Variants in PTPRE observed in about 807,000 individuals in gnomAD.
PTPRE encodes the protein receptor-type tyrosine-protein phosphatase epsilon.
PTPRE carries 51 observed loss-of-function variants against 102.0 expected under a neutral mutation model. The observed-to-expected ratio is 0.50, with a 90% CI of 0.40 to 0.63. PTPRE has a LOEUF of 0.63. Among genes scored for constraint, PTPRE ranks in the 30% least tolerant of loss-of-function variants. The pLI is 0.00. For synonymous variants in PTPRE, 345 were observed against 348.2 expected (o/e 0.99, Z 0.10); for missense variants, 752 against 915.1 (o/e 0.82, Z 2.30).
At position 127,907,276 on chromosome 10, in the gene PTPRE, G is replaced by C. The variant is rs1039963583; in HGVS notation, c.-64G>C. 4.1e-6 allele frequency: 4 copies of C among 984,670 alleles called. No individual in the cohort carries two copies. The highest frequency in any genetic ancestry group is 4.8e-6 in the Non-Finnish European group (4 of 829,750). 61.0% of individuals were successfully genotyped at this position (984,670 alleles called of 1,614,324 possible). ...CGGGAGATGCGGAGCCTCCGCTGCA[G>C]CGCGATCTGCGCGACCAGACCGGCC... On this transcript the variant is annotated 5_prime_UTR_variant, in exon 1 of 21. Transcript: ENST00000254667. The surrounding 1 kb of genome is among the most constrained non-coding windows in gnomAD (Gnocchi z 4.8).
chr10:128,076,617 G>C lies in PTPRE; in HGVS notation c.1614G>C (p.Gln538His). 1 of 1,605,100 alleles carries C rather than the reference G, an allele frequency of 6.2e-7. No individual in the cohort carries two copies. The change falls in exon 18 of 21, where the codon CAG becomes CAC. Residue 538 changes from glutamine (Q) to histidine (H), a missense_variant. By Grantham distance (24) the Gln-to-His change is conservative. Coordinates refer to ENST00000254667, the MANE Select transcript of PTPRE (RefSeq NM_006504.6). ...VQEREQDKCY[Q>H]YWPTEGSVTH... ...TATCCCCTAAGGATAAATGCTACCAGTATTGGCCAACCGAGGGCTCAGTTA... is the reference window on the plus strand; with the variant it reads ...TATCCCCTAAGGATAAATGCTACCACTATTGGCCAACCGAGGGCTCAGTTA...
chr10:127,948,092 T>G (rs1353208968), intron 1 of PTPRE, among the ~76,000 whole-genome samples: 1 of 152,136 alleles, frequency 6.6e-6, no homozygotes, highest in Admixed American at 6.5e-5. Flanking sequence ...TTTTGAGCCC[T>G]GTAGATGCTT....
intron 1 of PTPRE, among the ~76,000 whole-genome samples, chr10:127,965,187 A>C (rs1041693344): frequency 6.6e-6 from 1 of 152,204 alleles, no homozygotes; most frequent in Non-Finnish European, 1.5e-5. Flanking sequence ...GTAATTATCA[A>C]ATGGCAGGAA....
intron 3 of PTPRE, among the ~76,000 whole-genome samples, chr10:128,046,640 G>A (rs537810062): frequency 6.6e-6 from 1 of 152,268 alleles, no homozygotes; most frequent in African/African-American, 2.4e-5. Flanking sequence ...AGCGGGGGAG[G>A]AGCAGGAACA....
intron 6 of PTPRE, among the ~76,000 whole-genome samples, chr10:128,050,682 G>T (rs750160572): frequency 3.9e-5 from 6 of 152,232 alleles, no homozygotes; most frequent in Admixed American, 6.5e-5. Flanking sequence ...TGCCTGTTGC[G>T]TGCTGGCCCT....
intron 1 of PTPRE, among the ~76,000 whole-genome samples, chr10:127,926,106 A>G (rs538649079): frequency 6.6e-6 from 1 of 152,194 alleles, no homozygotes; most frequent in Non-Finnish European, 1.5e-5. Flanking sequence ...TTCTTTCAAG[A>G]TTAGGAGTCT....
Position 128,070,696 on chromosome 10 carries a change from G to T in PTPRE, c.1294-112G>T. On this transcript the variant is annotated intron_variant, in intron 14 of 20. Coordinates refer to ENST00000254667, the MANE Select transcript of PTPRE (RefSeq NM_006504.6). The surrounding 1 kb of genome is among the most constrained non-coding windows in gnomAD (Gnocchi z 4.8). ...TGCTAAGGAGGCTTCCTGGGTTGGA[G>T]AGTGGTTTCCTTTGAGCAGGCGTCC... The T allele has an allele frequency of 7.9e-7, 1 of 1,268,978 alleles. No individual in the cohort carries two copies. Among genetic ancestry groups the T allele is most frequent in the Non-Finnish European group, 1.1e-6 (1 of 907,212 alleles). 78.6% of individuals were successfully genotyped at this position (1,268,978 alleles called of 1,614,324 possible).
In PTPRE at chr10:128,073,483, C is replaced by T. The variant is rs2275802; in HGVS notation, c.1599+12C>T. On this transcript the variant is annotated intron_variant, in intron 17 of 20. Transcript: ENST00000254667. ...AGGAGAGAGAGCAGGTGAGGAGTGC[C>T]GCCCAGCCCGGTCCCTCCAGGGCAG... The T allele has an allele frequency of 0.12, 200,828 of 1,610,342 alleles. 14,106 individuals are homozygous for T. The highest frequency in any genetic ancestry group is 0.24 in the East Asian group (10,711 of 44,794).
rs569945321 is a variant in PTPRE, at chr10:127,907,644, G to C, written c.-31+335G>C. Among the ~76,000 whole-genome samples, 5 of 152,240 alleles carry C rather than the reference G, an allele frequency of 3.3e-5. No individual in the cohort carries two copies. In the South Asian group the frequency reaches 1.0e-3, roughly 32 times the overall value. On this transcript the variant is annotated intron_variant, in intron 1 of 20. Coordinates refer to ENST00000254667, the MANE Select transcript of PTPRE (RefSeq NM_006504.6). This position sits in a 1 kb window ranked among gnomAD's most constrained non-coding sequence, Gnocchi z 4.8. ...GTGGCTACAGTGCGCGGGGGCCGGC[G>C]GCAGGGCGGCGTACGTGAAAGCGGG...
chr10:127,975,360 T>C (rs184679838), intron 1 of PTPRE, among the ~76,000 whole-genome samples: 1 of 152,250 alleles, frequency 6.6e-6, no homozygotes, highest in Non-Finnish European at 1.5e-5. Flanking sequence ...GCAAACATGC[T>C]ATTTCCCTTA....
chr10:127,949,034 A>T (rs1329320987), intron 1 of PTPRE, among the ~76,000 whole-genome samples: 1 of 152,238 alleles, frequency 6.6e-6, no homozygotes, highest in Non-Finnish European at 1.5e-5. Context: ...CAGGCTTGTC[A>T]GCCTTTGGAT....
chr10:127,955,952 G>A (rs1260049455), intron 1 of PTPRE, among the ~76,000 whole-genome samples: 1 of 152,042 alleles, frequency 6.6e-6, no homozygotes, highest in Non-Finnish European at 1.5e-5. Context: ...GAACAGCAAG[G>A]GGGAAATCCA....
At chr10:127,979,027 T>C (rs535603739) in intron 1 of PTPRE, among the ~76,000 whole-genome samples, 1 of 152,124 alleles carries the variant, frequency 6.6e-6, no homozygotes, top group African/African-American at 2.4e-5. Context: ...TCTCAAAAAA[T>C]AAATAAACAA....
At chr10:128,073,764 G>A (rs577020367) in intron 17 of PTPRE, among the ~76,000 whole-genome samples, 247 of 152,208 alleles carry the variant, frequency 1.6e-3, no homozygotes, top group Admixed American at 3.5e-3. Flanking sequence ...ATAACCTGTT[G>A]AAGAAAAAGA....
intron 2 of PTPRE, among the ~76,000 whole-genome samples, chr10:128,021,022 GTA>G (rs1751928993): frequency 6.6e-6 from 1 of 151,928 alleles, no homozygotes; most frequent in Non-Finnish European, 1.5e-5. Context: ...AGCCTCCCGA[GTA>G]GCTGGGACTA....
intron 1 of PTPRE, among the ~76,000 whole-genome samples, chr10:127,972,334 T>C (rs1223063956): frequency 6.6e-6 from 1 of 152,230 alleles, no homozygotes; most frequent in African/African-American, 2.4e-5. Context: ...GAGTCAGATC[T>C]GGCTGGATTT....
At chr10:128,038,045 C>CCCA (rs1434020342) in intron 2 of PTPRE, among the ~76,000 whole-genome samples, 1 of 151,198 alleles carries the variant, frequency 6.6e-6, no homozygotes, top group Non-Finnish European at 1.5e-5. Context: ...TTATGATCCA[C>CCCA]CCGCCTCGGC....
chr10:128,014,849 G>T (rs1271772509), intron 2 of PTPRE, among the ~76,000 whole-genome samples: 2 of 152,066 alleles, frequency 1.3e-5, no homozygotes, highest in African/African-American at 4.8e-5. Context: ...TTGTGGAACT[G>T]CAGCCCCAGG....
intron 1 of PTPRE, among the ~76,000 whole-genome samples, chr10:127,920,917 G>C (rs968335325): frequency 1.3e-5 from 2 of 152,218 alleles, no homozygotes; most frequent in Non-Finnish European, 2.9e-5. Context: ...TGTGTAAGGA[G>C]AGGGCGTTTC....
Sources: gnomAD v4.1 joint callset for allele counts (sites outside exome capture counted in the v4.1 genomes callset) on GRCh38, gnomAD v4.1.1 for gene constraint, Gnocchi (gnomAD v3.1) non-coding constraint, MANE v1.5 for transcripts, NCBI Gene and HGNC (gene_info 2026-07-23, HGNC 2026-07-21) for gene names.